NRG3: variants seen among roughly 807,000 people sequenced by gnomAD.
NRG3 encodes the protein pro-neuregulin-3, membrane-bound isoform.
In NRG3, 31 loss-of-function variants were observed where a neutral mutation model predicts 66.9. That is an observed-to-expected ratio of 0.46 (90% CI 0.35 to 0.63). NRG3 has a LOEUF of 0.63. Ranked by LOEUF, NRG3 falls within the 20% of genes least tolerant of loss-of-function variation. The pLI is 0.00. For missense variants in NRG3, 910 were observed against 878.9 expected, an observed-to-expected ratio of 1.04 and a Z score of -0.45; for synonymous variants, 393 against 359.4, an observed-to-expected ratio of 1.09 and a Z score of -1.06.
intron 1 of NRG3, among the ~76,000 whole-genome samples, chr10:82,088,984 C>G (rs184786642): frequency 1.3e-5 from 2 of 151,722 alleles, no homozygotes; most frequent in Non-Finnish European, 1.5e-5. Context: ...TAAAAACCAG[C>G]AGAGAAGATT....
intron 2 of NRG3, among the ~76,000 whole-genome samples, chr10:82,491,814 A>G (rs191602811): frequency 0.012 from 1,783 of 152,296 alleles, 17 homozygotes; most frequent in Non-Finnish European, 0.016. Context: ...TAAGTGGACA[A>G]ATGTCTGCAA....
At chr10:82,435,603 T>G (rs1054613537) in intron 2 of NRG3, among the ~76,000 whole-genome samples, 1 of 152,106 alleles carries the variant, frequency 6.6e-6, no homozygotes, top group Non-Finnish European at 1.5e-5. Flanking sequence ...TATTTCCCTC[T>G]TAACACTGCT....
Position 82,954,934 on chromosome 10 carries a change from A to G in NRG3, c.1157+3363A>G, listed in dbSNP as rs532225155. ...TCATAAAGGAAAGTAGTTTATATGC[A>G]TATACATTTTTTACTTTAGCTTAGA... is the stretch of plus-strand genomic sequence containing the variant. On this transcript the variant is annotated intron_variant, in intron 5 of 8. Transcript: ENST00000372141. 1.6e-3 allele frequency among the ~76,000 whole-genome samples: 244 copies of G among 151,812 alleles called. 1 individual carries two copies. The highest frequency in any genetic ancestry group is 6.9e-3 in the South Asian group (33 of 4,814).
chr10:82,407,607 T>C (rs941987068), intron 2 of NRG3, among the ~76,000 whole-genome samples: 1 of 152,158 alleles, frequency 6.6e-6, no homozygotes, highest in African/African-American at 2.4e-5. Flanking sequence ...TACAGATGGA[T>C]TTATGTCAAC....
At chr10:82,845,310 G>T (rs2063257734) in intron 3 of NRG3, among the ~76,000 whole-genome samples, 1 of 152,196 alleles carries the variant, frequency 6.6e-6, no homozygotes, top group Non-Finnish European at 1.5e-5. Flanking sequence ...TGGGAATAAA[G>T]TTGACGAAGC....
chr10:82,617,613 A>C (rs1425525509), intron 2 of NRG3, among the ~76,000 whole-genome samples: 1 of 152,174 alleles, frequency 6.6e-6, no homozygotes, highest in East Asian at 1.9e-4. Flanking sequence ...AAAGAAAATC[A>C]CAAATTGCTA....
At chr10:82,741,310 A>G (rs535440146) in intron 3 of NRG3, among the ~76,000 whole-genome samples, 1 of 152,236 alleles carries the variant, frequency 6.6e-6, no homozygotes, top group South Asian at 2.1e-4. Flanking sequence ...AGTGAGGGGG[A>G]AAAACATGTG....
intron 2 of NRG3, among the ~76,000 whole-genome samples, chr10:82,369,152 C>G (rs2084726455): frequency 8.3e-6 from 1 of 120,770 alleles, no homozygotes; most frequent in Non-Finnish European, 1.5e-5. Context: ...ATGCGTAAAC[C>G]AAAATGTCAG....
intron 4 of NRG3, among the ~76,000 whole-genome samples, chr10:82,930,340 A>G (rs1315941577): frequency 6.6e-6 from 1 of 152,218 alleles, no homozygotes; most frequent in Non-Finnish European, 1.5e-5. Context: ...GGTGGAATTT[A>G]AGAAGGGATA....
At chr10:82,869,855 G>T (rs539695217) in intron 4 of NRG3, among the ~76,000 whole-genome samples, 4 of 151,682 alleles carry the variant, frequency 2.6e-5, no homozygotes, top group Non-Finnish European at 4.4e-5. Context: ...TGATCTGCCC[G>T]CCTCGGCCTC....
chr10:82,216,928 A>G lies in NRG3; in HGVS notation c.824-141811A>G, dbSNP rs145324055. 2.0e-5 allele frequency among the ~76,000 whole-genome samples: 3 copies of G among 152,320 alleles called. No individual in the cohort carries two copies. In the East Asian group the frequency reaches 5.8e-4, roughly 29 times the overall value. On this transcript the variant is annotated intron_variant, in intron 1 of 8. Coordinates refer to ENST00000372141, the MANE Select transcript of NRG3 (RefSeq NM_001010848.4). ...ATCAGGTTGTCTGATCTTATTCAGTATGCCATTTGGCTTAAGAAGTTCTCA... is the reference window on the plus strand; with the variant it reads ...ATCAGGTTGTCTGATCTTATTCAGTGTGCCATTTGGCTTAAGAAGTTCTCA...
rs1565328682 is a variant in NRG3, at chr10:82,800,145, T to G, written c.1027+61495T>G. Among the ~76,000 whole-genome samples the G allele has an allele frequency of 5.3e-5, 8 of 152,340 alleles. No homozygotes were observed. In the South Asian group the frequency reaches 1.7e-3, roughly 32 times the overall value. ...GAATCTTATTTCTCGGTTTTCTGTC[T>G]CTATCGCCTTCTAGACTATTACTTG... On this transcript the variant is annotated intron_variant, in intron 3 of 8. Transcript: ENST00000372141.
intron 1 of NRG3, among the ~76,000 whole-genome samples, chr10:82,190,296 G>GA (rs147875513): frequency 1.1e-4 from 16 of 148,568 alleles, no homozygotes; most frequent in East Asian, 5.9e-4. Flanking sequence ...TTCTAAGCAG[G>GA]AAAAAAAAAA....
intron 4 of NRG3, among the ~76,000 whole-genome samples, chr10:82,948,821 A>G (rs1299846864): frequency 1.3e-5 from 2 of 152,140 alleles, no homozygotes; most frequent in African/African-American, 4.8e-5. Flanking sequence ...AGATTCCATC[A>G]GCTTTTCTGT....
chr10:81,938,954 G>GT (rs1564674493), intron 1 of NRG3, among the ~76,000 whole-genome samples: 1 of 151,850 alleles, frequency 6.6e-6, no homozygotes, highest in Non-Finnish European at 1.5e-5. Context: ...TTTGTTGAGC[G>GT]TTTTTATCAT....
chr10:82,839,671 T>A (rs2062958206), intron 3 of NRG3, among the ~76,000 whole-genome samples: 1 of 151,820 alleles, frequency 6.6e-6, no homozygotes, highest in Non-Finnish European at 1.5e-5. Flanking sequence ...TTTAAGTGGC[T>A]TCATTGTTTT....
chr10:82,683,353 C>G (rs1344888259), intron 2 of NRG3, among the ~76,000 whole-genome samples: 1 of 151,954 alleles, frequency 6.6e-6, no homozygotes, highest in Non-Finnish European at 1.5e-5. Context: ...CTCTTCCTCT[C>G]TCCCCTTGAT....
chr10:82,309,983 T>C (rs1211273222), intron 1 of NRG3, among the ~76,000 whole-genome samples: 1 of 152,168 alleles, frequency 6.6e-6, no homozygotes, highest in Non-Finnish European at 1.5e-5. Flanking sequence ...CTCCAAATTA[T>C]TTCCCCAACC....
chr10:82,355,366 C>T (rs1937967), intron 1 of NRG3, among the ~76,000 whole-genome samples: 58,081 of 152,068 alleles, frequency 0.38, 16,230 homozygotes, highest in African/African-American at 0.78. Context: ...TTGCACCTTA[C>T]ATTTTATTTT....
Sources: allele counts gnomAD v4.1 joint callset (sites outside exome capture counted in the v4.1 genomes callset), GRCh38; gene constraint gnomAD v4.1.1; transcripts MANE v1.5; gene names NCBI Gene and HGNC (gene_info 2026-07-23, HGNC 2026-07-21).